Variants in TMEM87A observed in about 807,000 individuals in gnomAD.
TMEM87A encodes the protein Golgi-pH regulating cation channel.
Under a neutral mutation model 90.0 loss-of-function variants are expected in TMEM87A, and 50 were observed. The ratio of observed to expected loss-of-function variants is 0.56; its 90% CI spans 0.44 to 0.70. TMEM87A has a LOEUF of 0.70. TMEM87A is among the 30% of genes least tolerant of loss of function. The pLI is 0.00. For missense variants in TMEM87A, 577 were observed against 660.5 expected, an observed-to-expected ratio of 0.87 and a Z score of 1.39; for synonymous variants, 226 against 226.7, an observed-to-expected ratio of 1.00 and a Z score of 0.03.
chr15:42,211,430 A>G lies in TMEM87A; in HGVS notation c.*278T>C. The G allele has an allele frequency of 2.9e-6, 1 of 347,550 alleles. No individual in the cohort carries two copies. The highest frequency in any genetic ancestry group is 4.7e-5 in the East Asian group (1 of 21,432). The allele number at this position is 347,550 out of a possible 1,614,324, so 21.5% of individuals were successfully genotyped here. A position where few individuals can be genotyped will look rare whatever the true frequency, so the allele number is the denominator to read the frequency against. ...ATTACAGAAAGTTCAGGAACAACAC[A>G]CTTAAGTTGCATGAACATCCATGTC... On this transcript the variant is annotated 3_prime_UTR_variant, in exon 20 of 20. Coordinates refer to ENST00000389834, the MANE Select transcript of TMEM87A (RefSeq NM_015497.5).
At chr15:42,218,457 C>T (rs2050418229) in intron 17 of TMEM87A, 79 bp from the exon 18 acceptor site, 2 of 1,394,616 alleles carry the variant, frequency 1.4e-6, no homozygotes, top group Admixed American at 3.7e-5. Flanking sequence ...GGTCTTAAAA[C>T]TTGTCTTTCA....
At chr15:42,273,051 C>T (rs1027975117) in intron 1 of TMEM87A, 3 of 687,908 alleles carry the variant, frequency 4.4e-6, no homozygotes, top group African/African-American at 3.6e-5. Flanking sequence ...CTGAAGTGGC[C>T]CTTACATTCC....
At chr15:42,242,545 G>A (rs1413750465) in intron 7 of TMEM87A, among the ~76,000 whole-genome samples, 1 of 151,732 alleles carries the variant, frequency 6.6e-6, no homozygotes. Context: ...GAGGGAGAGG[G>A]AGGGAGGGAG....
Position 42,211,162 on chromosome 15 carries a change from T to C in TMEM87A, c.*546A>G, listed in dbSNP as rs938005387. ...TCTTTTTTTTTTTTTCTTTTGATCA[T>C]TGATAGAACTATGGCTCCTTAACTC... is the stretch of plus-strand genomic sequence containing the variant. On this transcript the variant is annotated 3_prime_UTR_variant, in exon 20 of 20. Transcript: ENST00000389834. 6.7e-6 allele frequency: 1 copy of C among 148,274 alleles called. No individual in the cohort carries two copies. The highest frequency in any genetic ancestry group is 1.5e-5 in the Non-Finnish European group (1 of 67,186). 9.2% of individuals were successfully genotyped at this position (148,274 alleles called of 1,614,324 possible).
rs553455501 is a variant in TMEM87A, at chr15:42,246,825, G to A, written c.505-2658C>T. ...TGTATACCCAGTAATGGGATGGCTG[G>A]GTCAACTGGTATTTCTAGTTCTAGA... On this transcript the variant is annotated intron_variant, in intron 6 of 19. Coordinates refer to ENST00000389834, the MANE Select transcript of TMEM87A (RefSeq NM_015497.5). Among the ~76,000 whole-genome samples, 7 of 152,204 alleles carry A rather than the reference G, an allele frequency of 4.6e-5. No individual in the cohort carries two copies. In the East Asian group the frequency reaches 1.2e-3, roughly 25 times the overall value.
At chr15:42,258,606 T>C in intron 6 of TMEM87A, 2 of 587,478 alleles carry the variant, frequency 3.4e-6, no homozygotes, top group African/African-American at 2.0e-5. Flanking sequence ...TTTGTATTTT[T>C]AGTAAAGACA....
In TMEM87A at chr15:42,219,642, T is replaced by C; in HGVS notation, c.1478A>G (p.Glu493Gly). ...QKEPMLKESFEGMKMRSTKQE... is the reference protein window; with the variant it reads ...QKEPMLKESFGGMKMRSTKQE... ...TTTGGTACTTCTCATTTTCATTCCT[T>C]CTGTAGAAGAAAATAAATATACACT... Residue 493 changes from glutamate to glycine, a missense_variant and splice_region_variant, in exon 17 of 20, where the codon GAA becomes GGA. Physicochemically the swap from Glu to Gly is moderately conservative, Grantham distance 98. Transcript: ENST00000389834. 1 of 1,591,668 alleles carries C rather than the reference T, an allele frequency of 6.3e-7. No individual in the cohort carries two copies. Among genetic ancestry groups the C allele is most frequent in the South Asian group, 1.1e-5 (1 of 88,366 alleles).
chr15:42,238,474 G>A (rs944670279), intron 8 of TMEM87A, among the ~76,000 whole-genome samples: 6 of 152,184 alleles, frequency 3.9e-5, no homozygotes, highest in Non-Finnish European at 8.8e-5. Flanking sequence ...GGAGGCTGAG[G>A]CAGGAGAATC....
At position 42,233,306 on chromosome 15, in the gene TMEM87A, C is replaced by T. The variant is rs779536111; in HGVS notation, c.969G>A (p.Lys323=). 6.2e-7 allele frequency: 1 copy of T among 1,612,818 alleles called. No homozygotes were observed. The highest frequency in any genetic ancestry group is 2.2e-5 in the East Asian group (1 of 44,832). The stretch of plus-strand genomic sequence containing the variant: ...TATGAAGAGTGACTCCAAGGCGTGG[C>T]CTAAAGAGGAAGCAAGGAGATATTT... The part of the protein sequence containing the change: ...IIVSLGYGIV[K]PRLGVTLHKV... Residue 323 remains lysine, a splice_region_variant and synonymous_variant, in exon 11 of 20, where the codon AAG becomes AAA. Coordinates refer to ENST00000389834, the MANE Select transcript of TMEM87A (RefSeq NM_015497.5).
intron 3 of TMEM87A, among the ~76,000 whole-genome samples, chr15:42,265,084 T>C (rs759825291): frequency 1.3e-5 from 2 of 152,230 alleles, no homozygotes; most frequent in Non-Finnish European, 2.9e-5. Flanking sequence ...TGGCCGCATA[T>C]GTACCACATT....
At chr15:42,230,111 G>A (rs186431311) in intron 12 of TMEM87A, among the ~76,000 whole-genome samples, 1 of 152,330 alleles carries the variant, frequency 6.6e-6, no homozygotes, top group East Asian at 1.9e-4. Context: ...ACAGGCATGA[G>A]CCACTGCACC....
intron 10 of TMEM87A, among the ~76,000 whole-genome samples, chr15:42,234,271 G>C (rs759757454): frequency 3.3e-5 from 5 of 152,168 alleles, no homozygotes; most frequent in Non-Finnish European, 7.3e-5. Context: ...AACTCCTTGA[G>C]ATTCAAAATC....
At position 42,220,081 on chromosome 15, in the gene TMEM87A, A is replaced by G; in HGVS notation, c.1458T>C (p.Pro486=). 8 of 1,607,054 alleles carry G rather than the reference A, an allele frequency of 5.0e-6. No individual in the cohort carries two copies. Among genetic ancestry groups the G allele is most frequent in the Non-Finnish European group, 6.8e-6 (8 of 1,177,964 alleles). ...TATTACCAAAGCTTTCTTTCAGCAT[A>G]GGCTCCTTTTGTTCATCCTCCTCCT... is the stretch of plus-strand genomic sequence containing the variant. ...EEEEEDEQKE[P]MLKESFEGMK... is the part of the protein sequence containing the mutation. The change falls in exon 16 of 20, where the codon CCT becomes CCC. Residue 486 remains proline (P), a synonymous_variant. Coordinates refer to ENST00000389834, the MANE Select transcript of TMEM87A (RefSeq NM_015497.5).
Position 42,260,987 on chromosome 15 carries a change from T to C in TMEM87A, c.475A>G (p.Thr159Ala). The stretch of plus-strand genomic sequence containing the variant: ...TTGTCTCCAATAAAGGTAAGGTTTG[T>C]TCCATTCTCCTTAGCCTTTAAACAT... ...GEKQEAKENGTNLTFIGDKTA... is the reference protein window; with the variant it reads ...GEKQEAKENGANLTFIGDKTA... The change falls in exon 6 of 20, where the codon ACA (threonine) becomes GCA (alanine). Residue 159 changes from threonine to alanine, a missense_variant. Thr to Ala is a moderately conservative substitution (Grantham distance 58). Transcript: ENST00000389834. The C allele has an allele frequency of 6.2e-7, 1 of 1,605,490 alleles. No homozygotes were observed. Among genetic ancestry groups the C allele is most frequent in the East Asian group, 2.2e-5 (1 of 44,608 alleles).
intron 12 of TMEM87A, among the ~76,000 whole-genome samples, chr15:42,229,520 C>T (rs2050651801): frequency 6.6e-6 from 1 of 151,942 alleles, no homozygotes; most frequent in Admixed American, 6.6e-5. Flanking sequence ...TCTTCTCTCT[C>T]CCTTTAAGGT....
At chr15:42,219,261 G>A (rs186698762) in intron 17 of TMEM87A, among the ~76,000 whole-genome samples, 15 of 152,240 alleles carry the variant, frequency 9.9e-5, no homozygotes, top group African/African-American at 3.1e-4. Context: ...TGGGCTATTC[G>A]TTTTCTTGCT....
At chr15:42,269,421 T>A (rs977315037) in intron 2 of TMEM87A, among the ~76,000 whole-genome samples, 1 of 152,124 alleles carries the variant, frequency 6.6e-6, no homozygotes, top group African/African-American at 2.4e-5. Context: ...AGGACTCTAT[T>A]AGAATGTTCA....
intron 6 of TMEM87A, among the ~76,000 whole-genome samples, chr15:42,246,379 T>A (rs2050972652): frequency 6.6e-6 from 1 of 152,178 alleles, no homozygotes; most frequent in Non-Finnish European, 1.5e-5. Context: ...ATGTGCCATG[T>A]TGGTTTGTTG....
intron 3 of TMEM87A, among the ~76,000 whole-genome samples, chr15:42,267,392 AAAG>A (rs1183522121): frequency 6.6e-6 from 1 of 152,246 alleles, no homozygotes; most frequent in African/African-American, 2.4e-5. Flanking sequence ...TAGAATCAAA[AAAG>A]AATATCCTCA....
Sources: allele counts gnomAD v4.1 joint callset (sites outside exome capture counted in the v4.1 genomes callset), GRCh38; gene constraint gnomAD v4.1.1; transcripts MANE v1.5; gene names NCBI Gene and HGNC (gene_info 2026-07-23, HGNC 2026-07-21).